COL21A1: variants seen among roughly 807,000 people sequenced by gnomAD.
COL21A1 encodes collagen alpha-1(XXI) chain.
COL21A1 carries 149 observed loss-of-function variants against 137.9 expected under a neutral mutation model. The ratio of observed to expected loss-of-function variants is 1.08; its 90% CI spans 0.95 to 1.24. The LOEUF (loss-of-function observed/expected upper bound fraction) is 1.24. COL21A1 is among the 50% of genes most tolerant of loss of function. COL21A1 has a pLI of 0.00. For missense variants in COL21A1, 1,167 were observed against 1,158.4 expected, an observed-to-expected ratio of 1.01 and a Z score of -0.11; for synonymous variants, 456 against 391.5, an observed-to-expected ratio of 1.16 and a Z score of -1.95.
chr6:56,180,847 G>A (rs964341827), intron 2 of COL21A1, among the ~76,000 whole-genome samples: 18 of 152,134 alleles, frequency 1.2e-4, no homozygotes, highest in Non-Finnish European at 2.1e-4. Flanking sequence ...TCTTTTCTGC[G>A]CATTCTGTTA....
intron 1 of COL21A1, among the ~76,000 whole-genome samples, chr6:56,385,590 A>C (rs375092611): frequency 1.3e-5 from 2 of 152,246 alleles, no homozygotes; most frequent in African/African-American, 4.8e-5. Flanking sequence ...ACATAAAATT[A>C]ACTGTTTAAA....
chr6:56,158,268 T>TTC (rs1561928454), intron 9 of COL21A1, among the ~76,000 whole-genome samples: 6 of 116,450 alleles, frequency 5.2e-5, no homozygotes, highest in South Asian at 2.9e-4. Flanking sequence ...TTTTTTTTCT[T>TTC]TTTTTTTTTT....
chr6:56,275,627 A>G (rs867805902), intron 1 of COL21A1, among the ~76,000 whole-genome samples: 18 of 152,242 alleles, frequency 1.2e-4, no homozygotes, highest in African/African-American at 4.1e-4. Flanking sequence ...GATGCTCAAC[A>G]TCACTAATCA....
chr6:56,260,585 A>AG (rs1763227726), intron 1 of COL21A1, among the ~76,000 whole-genome samples: 1 of 91,772 alleles, frequency 1.1e-5, no homozygotes, highest in South Asian at 3.7e-4. Context: ...AAAAAAAAAG[A>AG]AAGAAGAAGA....
intron 12 of COL21A1, among the ~76,000 whole-genome samples, chr6:56,129,954 AGTGT>A (rs369547828): frequency 1.4e-5 from 2 of 142,578 alleles, no homozygotes; most frequent in Non-Finnish European, 3.1e-5. Context: ...ATATATTCAA[AGTGT>A]GTGTGTGTGT....
At chr6:56,144,010 A>G (rs1055952956) in intron 10 of COL21A1, among the ~76,000 whole-genome samples, 2 of 152,222 alleles carry the variant, frequency 1.3e-5, no homozygotes, top group Non-Finnish European at 2.9e-5. Flanking sequence ...AAAAGTAAGA[A>G]GAAATTCAAT....
At chr6:56,183,755 A>C (rs1432779839) in intron 1 of COL21A1, among the ~76,000 whole-genome samples, 1 of 152,192 alleles carries the variant, frequency 6.6e-6, no homozygotes, top group South Asian at 2.1e-4. Flanking sequence ...AGTAGCAAAA[A>C]GTGTTTGTAA....
At chr6:56,171,387 A>G (rs1013184723) in intron 3 of COL21A1, among the ~76,000 whole-genome samples, 9 of 151,930 alleles carry the variant, frequency 5.9e-5, no homozygotes, top group Non-Finnish European at 1.3e-4. Context: ...ACAAAAATAT[A>G]AATATTTGTT....
intron 1 of COL21A1, among the ~76,000 whole-genome samples, chr6:56,363,968 A>AGG (rs1766038750): frequency 1.3e-5 from 2 of 152,248 alleles, no homozygotes; most frequent in East Asian, 3.8e-4. Flanking sequence ...ACAAACTCAG[A>AGG]GTTTGCACTG....
chr6:56,141,011 G>A (rs775276892), intron 12 of COL21A1, among the ~76,000 whole-genome samples: 11 of 152,078 alleles, frequency 7.2e-5, no homozygotes, highest in Non-Finnish European at 1.5e-4. Flanking sequence ...TTAAAGTAAG[G>A]AACATTTATT....
chr6:56,070,646 T>C, intron 21 of COL21A1, 99 bp downstream of exon 21: 2 of 727,220 alleles, frequency 2.8e-6, no homozygotes, highest in Non-Finnish European at 4.3e-6. Context: ...CTTAACTTCA[T>C]GTATCTCTTC....
chr6:56,267,874 C>T (rs190498124), intron 1 of COL21A1, among the ~76,000 whole-genome samples: 130 of 152,050 alleles, frequency 8.5e-4, no homozygotes, highest in Non-Finnish European at 1.4e-3. Flanking sequence ...GCACCATTCC[C>T]ACTGAAAGAG....
chr6:56,082,158 A>C (rs1410018996), intron 17 of COL21A1, among the ~76,000 whole-genome samples: 2 of 151,986 alleles, frequency 1.3e-5, no homozygotes, highest in African/African-American at 4.8e-5. Context: ...CCGAAAACTC[A>C]GACAAGGACG....
chr6:56,367,058 C>G (rs1308680635), intron 1 of COL21A1, among the ~76,000 whole-genome samples: 1 of 152,154 alleles, frequency 6.6e-6, no homozygotes, highest in Non-Finnish European at 1.5e-5. Flanking sequence ...TGTGATCTTA[C>G]AAATAAATAC....
intron 20 of COL21A1, 53 bp from the exon 21 acceptor site, chr6:56,070,851 A>G: frequency 7.7e-7 from 1 of 1,299,832 alleles, no homozygotes; most frequent in Non-Finnish European, 1.1e-6. Flanking sequence ...CTGTCATAAT[A>G]TATCTGATAT....
intron 10 of COL21A1, among the ~76,000 whole-genome samples, chr6:56,146,944 T>C (rs974558362): frequency 2.6e-5 from 4 of 152,126 alleles, no homozygotes; most frequent in African/African-American, 9.7e-5. Context: ...TTCCTATATT[T>C]CCCTTGAGCT....
intron 12 of COL21A1, among the ~76,000 whole-genome samples, chr6:56,132,282 T>A (rs193160997): frequency 3.3e-5 from 5 of 152,214 alleles, no homozygotes; most frequent in Admixed American, 1.3e-4. Context: ...ATGTCAATGC[T>A]TCTAAAACTA....
At chr6:56,079,971 T>C (rs1767606740) in intron 17 of COL21A1, among the ~76,000 whole-genome samples, 1 of 151,660 alleles carries the variant, frequency 6.6e-6, no homozygotes, top group African/African-American at 2.4e-5. Context: ...TACCAGCTTA[T>C]TGAGGGAGAG....
In COL21A1 at chr6:56,179,845, C is replaced by T. The variant is rs1009121320; in HGVS notation, c.373G>A (p.Asp125Asn). The change falls in exon 3 of 30, where the codon GAT becomes AAT. Residue 125 changes from aspartate (D) to asparagine (N), a missense_variant. Transcript: ENST00000244728. ...KTGKAIQFAL[D>N]YLFAKSSRFL... ...CGTGAGGACTTGGCAAAAAGGTAAT[C>T]GAGCGCAAACTGGATGGCCTTCCCT... 2.5e-6 allele frequency: 4 copies of T among 1,613,800 alleles called. No homozygotes were observed. Among genetic ancestry groups the T allele is most frequent in the African/African-American group, 1.3e-5 (1 of 74,908 alleles).
Sources: allele counts gnomAD v4.1 joint callset (sites outside exome capture counted in the v4.1 genomes callset), GRCh38; gene constraint gnomAD v4.1.1; transcripts MANE v1.5; gene names NCBI Gene and HGNC (gene_info 2026-07-23, HGNC 2026-07-21).